Variants in ORC5 observed in about 807,000 individuals in gnomAD.
ORC5 encodes the protein protein phosphatase 1, regulatory subunit 117.
A neutral mutation model predicts 58.8 loss-of-function variants in ORC5; 39 were observed. The ratio of observed to expected loss-of-function variants is 0.66; its 90% CI spans 0.51 to 0.87. The LOEUF is 0.87. Among genes scored for constraint, ORC5 ranks in the 40% least tolerant of loss-of-function variants. The probability of loss-of-function intolerance (pLI) is 0.00; values close to 1 mark genes in which losing one functional copy is unlikely to be tolerated. For missense variants in ORC5, 493 were observed against 506.3 expected, an observed-to-expected ratio of 0.97 and a Z score of 0.25; for synonymous variants, 218 against 177.6, an observed-to-expected ratio of 1.23 and a Z score of -1.81.
At chr7:104,206,149 G>A (rs748784528) in intron 1 of ORC5, among the ~76,000 whole-genome samples, 2 of 152,142 alleles carry the variant, frequency 1.3e-5, no homozygotes, top group Non-Finnish European at 2.9e-5. Context: ...CTGTTCCACT[G>A]TTATTTAACC....
chr7:104,199,194 GT>G (rs1799874032), intron 3 of ORC5, among the ~76,000 whole-genome samples: 1 of 152,108 alleles, frequency 6.6e-6, no homozygotes, highest in Non-Finnish European at 1.5e-5. Flanking sequence ...GCACTGCCTA[GT>G]GGAGCTATGA....
At chr7:104,132,671 G>T (rs1011826941) in intron 13 of ORC5, among the ~76,000 whole-genome samples, 2 of 152,196 alleles carry the variant, frequency 1.3e-5, no homozygotes, top group Non-Finnish European at 2.9e-5. Flanking sequence ...ACTGTGCTAG[G>T]TTTGAGGATA....
intron 12 of ORC5, among the ~76,000 whole-genome samples, chr7:104,149,672 C>T (rs1309379180): frequency 6.6e-6 from 1 of 152,100 alleles, no homozygotes; most frequent in Non-Finnish European, 1.5e-5. Context: ...TTAAACAAAT[C>T]CCCTAAAAAT....
In ORC5 at chr7:104,136,096, C is replaced by T. The variant is rs1037793802; in HGVS notation, c.1262+685G>A. 6.6e-6 allele frequency among the ~76,000 whole-genome samples: 1 copy of T among 152,132 alleles called. No individual in the cohort carries two copies. Among genetic ancestry groups the T allele is most frequent in the Non-Finnish European group, 1.5e-5 (1 of 68,036 alleles). On this transcript the variant is annotated intron_variant, in intron 13 of 13. Coordinates refer to ENST00000297431, the MANE Select transcript of ORC5 (RefSeq NM_002553.4). This position sits in a 1 kb window ranked among gnomAD's most constrained non-coding sequence, Gnocchi z 4.2. ...ATTTTGACAAATGTACTTTCTTCCC[C>T]AGAACTTCTAACATTCTAGAATTAC...
chr7:104,131,847 G>C (rs1322124346), intron 13 of ORC5, among the ~76,000 whole-genome samples: 1 of 133,148 alleles, frequency 7.5e-6, no homozygotes, highest in African/African-American at 3.0e-5. Context: ...GTGAGATTCT[G>C]TCTCAAAAAA....
chr7:104,177,721 C>A (rs1219657744), intron 8 of ORC5, among the ~76,000 whole-genome samples: 1 of 152,122 alleles, frequency 6.6e-6, no homozygotes, highest in East Asian at 1.9e-4. Context: ...CTCTCCCTCC[C>A]CTTGCCCTCC....
intron 5 of ORC5, 96 bp downstream of exon 5, chr7:104,195,047 C>T (rs564194999): frequency 2.4e-5 from 15 of 614,578 alleles, no homozygotes; most frequent in African/African-American, 4.2e-5. Flanking sequence ...ATGGGAATAA[C>T]AAAGTATTCC....
At chr7:104,171,085 C>T (rs1165187795) in intron 8 of ORC5, among the ~76,000 whole-genome samples, 1 of 152,128 alleles carries the variant, frequency 6.6e-6, no homozygotes, top group Non-Finnish European at 1.5e-5. Context: ...TTCACATCCC[C>T]CTGTTCTTTG....
At chr7:104,163,266 A>G (rs1189495750) in intron 11 of ORC5, among the ~76,000 whole-genome samples, 1 of 152,200 alleles carries the variant, frequency 6.6e-6, no homozygotes, top group Non-Finnish European at 1.5e-5. Context: ...GAGGTCACGT[A>G]ACTGGGTTCT....
chr7:104,172,605 C>G (rs1799234288), intron 8 of ORC5, among the ~76,000 whole-genome samples: 1 of 152,084 alleles, frequency 6.6e-6, no homozygotes, highest in South Asian at 2.1e-4. Context: ...TTTTAGGTTT[C>G]CTATATTGAT....
chr7:104,128,324 T>G (rs550223990), intron 13 of ORC5, among the ~76,000 whole-genome samples: 2 of 152,282 alleles, frequency 1.3e-5, no homozygotes, highest in East Asian at 3.9e-4. Context: ...AGTTTCATCA[T>G]GTTGGCCAGG....
At chr7:104,187,496 A>C (rs1799574049) in intron 6 of ORC5, 1 of 152,842 alleles carries the variant, frequency 6.5e-6, no homozygotes, top group Admixed American at 6.5e-5. Flanking sequence ...GAGACATAGA[A>C]TCTGTTACTT....
rs10672012 is a variant in ORC5 at position 104,205,086 on chromosome 7, C to CTTTTTTT, written c.73-859_73-853dup. On this transcript the variant is annotated intron_variant, in intron 1 of 13. Transcript: ENST00000297431. The stretch of plus-strand genomic sequence containing the variant: ...GAAAACTTGATTTTTTAATAATACT[C>CTTTTTTT]TTTTTTTTTTTTTTTTTTTTTGAGA... Among the ~76,000 whole-genome samples the CTTTTTTT allele has an allele frequency of 6.9e-3, 683 of 99,406 alleles. 27 individuals carry two copies. Among genetic ancestry groups the CTTTTTTT allele is most frequent in the Middle Eastern group, 8.8e-3 (1 of 114 alleles). 65.2% of individuals were successfully genotyped at this position (99,406 alleles called of 152,430 possible).
chr7:104,179,211 A>C (rs1172014431), intron 8 of ORC5, among the ~76,000 whole-genome samples: 1 of 151,632 alleles, frequency 6.6e-6, no homozygotes, highest in Non-Finnish European at 1.5e-5. Context: ...GGCCTCCCAA[A>C]GTGCTGGAAT....
rs532812051 is a variant in ORC5 at position 104,200,713 on chromosome 7, CA to C, written c.366+44del. On this transcript the variant is annotated intron_variant, in intron 3 of 13. Coordinates refer to ENST00000297431, the MANE Select transcript of ORC5 (RefSeq NM_002553.4). ...TATGAAAATTGATCTAATAAATTATCAGTTTTCAAGATAAGAGATGATCTAA... is the reference window on the plus strand; with the variant it reads ...TATGAAAATTGATCTAATAAATTATCGTTTTCAAGATAAGAGATGATCTAA... The C allele has an allele frequency of 6.7e-5, 78 of 1,164,008 alleles. 1 individual carries two copies. The East Asian group carries it at 1.0e-3, about 15-fold the overall frequency. The allele number at this position is 1,164,008 out of a possible 1,614,324, so 72.1% of individuals were successfully genotyped here. A position where few individuals can be genotyped will look rare whatever the true frequency, so the allele number is the denominator to read the frequency against.
chr7:104,202,529 G>A (rs1336254693), intron 2 of ORC5: 5 of 456,332 alleles, frequency 1.1e-5, no homozygotes, highest in Admixed American at 7.1e-5. Flanking sequence ...CATATTCTAA[G>A]TGCCTGTCTG....
chr7:104,168,533 A>G lies in ORC5; in HGVS notation c.825-8T>C, dbSNP rs538939114. The G allele has an allele frequency of 1.5e-5, 22 of 1,516,418 alleles. No individual in the cohort carries two copies. In the South Asian group the frequency reaches 2.5e-4, roughly 17 times the overall value. The allele number at this position is 1,516,418 out of a possible 1,614,324, so 93.9% of individuals were successfully genotyped here. On this transcript the variant is annotated splice_region_variant and splice_polypyrimidine_tract_variant and intron_variant, in intron 8 of 13. Transcript: ENST00000297431. ...AGCTTTTCCCACTGGGAACTGAAAAAAAATAGAAGAGCAAAAATGAATTAA... is the reference window on the plus strand; with the variant it reads ...AGCTTTTCCCACTGGGAACTGAAAAGAAATAGAAGAGCAAAAATGAATTAA...
At chr7:104,186,742 T>TA (rs1261451326) in intron 6 of ORC5, among the ~76,000 whole-genome samples, 3 of 152,200 alleles carry the variant, frequency 2.0e-5, no homozygotes, top group Non-Finnish European at 4.4e-5. Context: ...TGAATATCTT[T>TA]ATTCTTCCAT....
chr7:104,184,255 T>A (rs2115977298), intron 6 of ORC5, 84 bp from the exon 7 acceptor site: 1 of 861,158 alleles, frequency 1.2e-6, no homozygotes, highest in Non-Finnish European at 1.7e-6. Flanking sequence ...AAATCTGTAT[T>A]GCAGTTCAGG....
Sources: allele counts gnomAD v4.1 joint callset (sites outside exome capture counted in the v4.1 genomes callset), GRCh38; gene constraint gnomAD v4.1.1; non-coding constraint Gnocchi (gnomAD v3.1); transcripts MANE v1.5; gene names NCBI Gene and HGNC (gene_info 2026-07-23, HGNC 2026-07-21).